MGAT4C: variants seen among roughly 807,000 people sequenced by gnomAD.
MGAT4C encodes MGAT4 family member C, also known as alpha-1,3-mannosyl-glycoprotein 4-beta-N-acetylglucosaminyltransferase C.
In MGAT4C, 19 loss-of-function variants were observed where a neutral mutation model predicts 40.1. The observed-to-expected ratio is 0.47, with a 90% confidence interval of 0.33 to 0.70. The LOEUF (loss-of-function observed/expected upper bound fraction) is 0.70, where lower values mean the gene tolerates loss of function less well. Ranked by LOEUF, MGAT4C falls within the 30% of genes least tolerant of loss-of-function variation. The pLI, the probability that MGAT4C is intolerant of heterozygous loss-of-function variation, is 0.02. For synonymous variants in MGAT4C, 181 were observed against 187.1 expected (o/e 0.97, Z 0.27); for missense variants, 491 against 563.2 (o/e 0.87, Z 1.30).
At chr12:86,626,297 C>T (rs532938151) in intron 2 of MGAT4C, among the ~76,000 whole-genome samples, 7 of 152,210 alleles carry the variant, frequency 4.6e-5, no homozygotes, top group Admixed American at 2.0e-4. Context: ...AACAAATGAC[C>T]TAATTCTCTT....
intron 1 of MGAT4C, among the ~76,000 whole-genome samples, chr12:86,732,693 T>C (rs1950929932): frequency 1.3e-5 from 2 of 152,094 alleles, no homozygotes; most frequent in Non-Finnish European, 2.9e-5. Flanking sequence ...AAGCTTCTCT[T>C]GCTCTCTGGC....
intron 2 of MGAT4C, among the ~76,000 whole-genome samples, chr12:86,640,093 AAATT>A (rs1299227809): frequency 6.6e-6 from 1 of 151,774 alleles, no homozygotes; most frequent in African/African-American, 2.4e-5. Context: ...GACTTTTAAC[AAATT>A]AATATAAACA....
chr12:86,185,761 T>A (rs1369330144), intron 1 of MGAT4C, among the ~76,000 whole-genome samples: 1 of 152,190 alleles, frequency 6.6e-6, no homozygotes, highest in African/African-American at 2.4e-5. Context: ...CTCTATTTTA[T>A]TTTATCTTTC....
At chr12:86,185,681 G>T (rs2135883326) in intron 1 of MGAT4C, among the ~76,000 whole-genome samples, 1 of 152,228 alleles carries the variant, frequency 6.6e-6, no homozygotes, top group Middle Eastern at 3.4e-3. Context: ...ACTGCAGATT[G>T]AAAAATTTGA....
intron 2 of MGAT4C, among the ~76,000 whole-genome samples, chr12:86,659,694 T>C (rs967299477): frequency 6.6e-6 from 1 of 152,014 alleles, no homozygotes; most frequent in African/African-American, 2.4e-5. Flanking sequence ...GCTCCTCTCT[T>C]TTTCCCCATC....
chr12:86,178,522 T>C (rs942322500), intron 1 of MGAT4C, among the ~76,000 whole-genome samples: 1 of 152,184 alleles, frequency 6.6e-6, no homozygotes, highest in Non-Finnish European at 1.5e-5. Context: ...ACACATTTTG[T>C]TTATTCATCA....
chr12:86,351,692 T>A (rs2136192332), intron 3 of MGAT4C, among the ~76,000 whole-genome samples: 1 of 152,118 alleles, frequency 6.6e-6, no homozygotes, highest in South Asian at 2.1e-4. Flanking sequence ...AACCTTAATT[T>A]TAATGGCAAA....
intron 3 of MGAT4C, chr12:86,334,216 G>GA (rs1339414249): frequency 2.0e-5 from 3 of 152,082 alleles, no homozygotes; most frequent in South Asian, 4.1e-4. Context: ...TAGTCAAGGG[G>GA]AAAAAAATTG....
intron 1 of MGAT4C, among the ~76,000 whole-genome samples, chr12:86,237,884 T>A (rs1056310719): frequency 3.9e-5 from 6 of 151,960 alleles, no homozygotes; most frequent in African/African-American, 1.4e-4. Context: ...TACCCAAATT[T>A]TCTTCGTTCA....
At chr12:86,334,684 T>C (rs1323525938) in intron 3 of MGAT4C, among the ~76,000 whole-genome samples, 1 of 152,160 alleles carries the variant, frequency 6.6e-6, no homozygotes, top group African/African-American at 2.4e-5. Context: ...AGATTGGATG[T>C]ATTTCCTTTA....
intron 2 of MGAT4C, among the ~76,000 whole-genome samples, chr12:86,675,733 T>G (rs1288538380): frequency 6.6e-6 from 1 of 152,180 alleles, no homozygotes; most frequent in Non-Finnish European, 1.5e-5. Flanking sequence ...TGGGGATGCA[T>G]GTAATATTTT....
chr12:86,254,065 A>C (rs2136082866), intron 1 of MGAT4C, among the ~76,000 whole-genome samples: 1 of 152,012 alleles, frequency 6.6e-6, no homozygotes, highest in African/African-American at 2.4e-5. Context: ...AGTCAGACAA[A>C]GAACATATGT....
At chr12:86,782,162 G>C (rs1423584643) in intron 1 of MGAT4C, among the ~76,000 whole-genome samples, 4 of 113,752 alleles carry the variant, frequency 3.5e-5, no homozygotes, top group Admixed American at 3.1e-4. Flanking sequence ...CTGGCTAAAT[G>C]TTTTTTGTAT....
chr12:86,655,952 C>CTGA (rs1330994655), intron 2 of MGAT4C, among the ~76,000 whole-genome samples: 1 of 151,968 alleles, frequency 6.6e-6, no homozygotes, highest in East Asian at 1.9e-4. Flanking sequence ...TTGAGTTTGC[C>CTGA]TGATAAGTTT....
At chr12:86,456,480 T>G (rs1434326012) in intron 2 of MGAT4C, among the ~76,000 whole-genome samples, 4 of 152,108 alleles carry the variant, frequency 2.6e-5, no homozygotes, top group Non-Finnish European at 5.9e-5. Flanking sequence ...GCTAAATGAT[T>G]CAGTTTATCT....
chr12:86,792,235 T>TA (rs1839138032), intron 1 of MGAT4C, among the ~76,000 whole-genome samples: 1 of 152,196 alleles, frequency 6.6e-6, no homozygotes, highest in African/African-American at 2.4e-5. Context: ...ACCTAAAAGA[T>TA]AGTTTTGAAT....
intron 2 of MGAT4C, among the ~76,000 whole-genome samples, chr12:86,623,776 C>T (rs531665158): frequency 3.3e-5 from 5 of 152,256 alleles, no homozygotes; most frequent in African/African-American, 1.2e-4. Flanking sequence ...ATGTATGAAA[C>T]ATTTGTCAAA....
At chr12:86,530,136 C>T (rs1958955510) in intron 2 of MGAT4C, among the ~76,000 whole-genome samples, 1 of 151,890 alleles carries the variant, frequency 6.6e-6, no homozygotes, top group African/African-American at 2.4e-5. Flanking sequence ...ATATAGCTGT[C>T]TATTAAAATT....
At chr12:86,751,344 A>T (rs764030400) in intron 1 of MGAT4C, among the ~76,000 whole-genome samples, 2 of 152,018 alleles carry the variant, frequency 1.3e-5, no homozygotes, top group Non-Finnish European at 2.9e-5. Flanking sequence ...TATGTCTATC[A>T]ACTTGTGAGA....
Sources: gnomAD v4.1 joint callset for allele counts (sites outside exome capture counted in the v4.1 genomes callset) on GRCh38, gnomAD v4.1.1 for gene constraint, MANE v1.5 for transcripts, NCBI Gene and HGNC (gene_info 2026-07-23, HGNC 2026-07-21) for gene names.